The following RIMKLA variants were observed in gnomAD, a reference collection of about 807,000 sequenced individuals.
The protein encoded by RIMKLA is ribosomal modification protein rimK like family member A, also known as N-acetylaspartylglutamate synthase A.
A neutral mutation model predicts 32.7 loss-of-function variants in RIMKLA; 14 were observed. The observed-to-expected ratio is 0.43, with a 90% confidence interval of 0.28 to 0.67. The LOEUF (loss-of-function observed/expected upper bound fraction) is 0.67, where lower values mean the gene tolerates loss of function less well. Ranked by LOEUF, RIMKLA falls within the 30% of genes least tolerant of loss-of-function variation. RIMKLA has a pLI of 0.18. For synonymous variants in RIMKLA, 176 were observed against 204.1 expected (o/e 0.86, Z 1.18); for missense variants, 410 against 519.0 (o/e 0.79, Z 2.04).
chr1:42,395,353 T>G (rs932312170), intron 1 of RIMKLA, among the ~76,000 whole-genome samples: 4 of 148,840 alleles, frequency 2.7e-5, no homozygotes, highest in African/African-American at 1.0e-4. Flanking sequence ...ACAGAGTGGT[T>G]GTTTTAGTTT....
At position 42,408,372 on chromosome 1, in the gene RIMKLA, T is replaced by G. The variant is rs1313907291; in HGVS notation, c.482-1612T>G. 5.3e-5 allele frequency among the ~76,000 whole-genome samples: 8 copies of G among 152,312 alleles called. No homozygotes were observed. In the South Asian group the frequency reaches 1.2e-3, roughly 24 times the overall value. On this transcript the variant is annotated intron_variant, in intron 3 of 4. Coordinates refer to ENST00000431473, the MANE Select transcript of RIMKLA (RefSeq NM_173642.4). ...ATTGCATCCTGGTTATAACATGTTT[T>G]GGAATTTACTTTTCAGTTTTATGTA... is the stretch of plus-strand genomic sequence containing the variant.
intron 3 of RIMKLA, among the ~76,000 whole-genome samples, chr1:42,406,009 A>G (rs375631002): frequency 7.2e-5 from 11 of 152,320 alleles, no homozygotes; most frequent in African/African-American, 1.9e-4. Flanking sequence ...CTCAATTTCA[A>G]CCAGCCTTTC....
At chr1:42,395,972 G>A (rs1263947734) in intron 1 of RIMKLA, among the ~76,000 whole-genome samples, 1 of 152,184 alleles carries the variant, frequency 6.6e-6, no homozygotes, top group Non-Finnish European at 1.5e-5. Context: ...TGGGGGCGGT[G>A]GCTCACGCCT....
Position 42,399,437 on chromosome 1 carries a change from T to G in RIMKLA, c.197T>G (p.Phe66Cys), listed in dbSNP as rs1281803479. ...CTAAACCAGAAGGCCCTCACCACTT[T>G]CCCGGATGTGGTGCTTGTACGGGTA... ...LQLNQKALTT[F>C]PDVVLVRVPT... The change falls in exon 2 of 5, where the codon TTC becomes TGC. Residue 66 changes from phenylalanine (F) to cysteine (C), a missense_variant. By Grantham distance (205) the Phe-to-Cys change is radical. Coordinates refer to ENST00000431473, the MANE Select transcript of RIMKLA (RefSeq NM_173642.4). 1.2e-6 allele frequency: 2 copies of G among 1,612,452 alleles called. No individual in the cohort carries two copies. The highest frequency in any genetic ancestry group is 2.2e-5 in the South Asian group (2 of 90,532).
chr1:42,409,963 T>C (rs760708149), intron 3 of RIMKLA, 21 bp from the exon 4 acceptor site: 2 of 1,602,404 alleles, frequency 1.2e-6, no homozygotes, highest in South Asian at 1.1e-5. Flanking sequence ...ACCCCTTCTC[T>C]TGCTCTTTTT....
intron 1 of RIMKLA, among the ~76,000 whole-genome samples, chr1:42,390,185 A>G (rs773055544): frequency 5.3e-5 from 8 of 151,924 alleles, no homozygotes; most frequent in Non-Finnish European, 1.0e-4. Flanking sequence ...CTACAGGCAC[A>G]TGCCACCACA....
intron 1 of RIMKLA, among the ~76,000 whole-genome samples, chr1:42,385,755 CTTTCTT>C (rs1553175452): frequency 2.1e-5 from 2 of 97,382 alleles, no homozygotes; most frequent in African/African-American, 1.2e-4. Context: ...TTCTTTCTTT[CTTTCTT>C]TCTTTCTTTG....
At chr1:42,400,223 A>T (rs983855106) in intron 2 of RIMKLA, among the ~76,000 whole-genome samples, 1 of 145,828 alleles carries the variant, frequency 6.9e-6, no homozygotes, top group Non-Finnish European at 1.5e-5. Context: ...AGAGAGATAT[A>T]GCTAAATATA....
rs75104998 is a variant in RIMKLA at position 42,403,283 on chromosome 1, A to T, written c.395-1228A>T. On this transcript the variant is annotated intron_variant, in intron 2 of 4. Transcript: ENST00000431473. The stretch of plus-strand genomic sequence containing the variant: ...AGGAAAAGAGGCTTATTTCTGCTCT[A>T]TACTGACAGCAGTGAGAAATATTAG... Among the ~76,000 whole-genome samples, 899 of 152,306 alleles carry T rather than the reference A, an allele frequency of 5.9e-3. 2 individuals are homozygous for T. Among genetic ancestry groups the T allele is most frequent in the Non-Finnish European group, 9.6e-3 (655 of 68,020 alleles).
intron 2 of RIMKLA, among the ~76,000 whole-genome samples, chr1:42,400,783 CT>C (rs1643090388): frequency 6.6e-6 from 1 of 152,020 alleles, no homozygotes; most frequent in African/African-American, 2.4e-5. Context: ...GAATCTGGAG[CT>C]TCTGAAAGAA....
chr1:42,383,631 A>G (rs1376072172), intron 1 of RIMKLA, among the ~76,000 whole-genome samples: 1 of 152,264 alleles, frequency 6.6e-6, no homozygotes, highest in Admixed American at 6.5e-5. Flanking sequence ...ATATGTAGTT[A>G]TGATGATATT....
Position 42,412,483 on chromosome 1 carries a change from G to T in RIMKLA, c.686-2001G>T, listed in dbSNP as rs140986876. 6.2e-4 allele frequency: 220 copies of T among 355,220 alleles called. 2 individuals are homozygous for T. The highest frequency in any genetic ancestry group is 2.2e-3 in the Middle Eastern group (2 of 902). The allele number at this position is 355,220 out of a possible 1,614,324, so 22.0% of individuals were successfully genotyped here. The stretch of plus-strand genomic sequence containing the variant: ...CATGATGGCCATGATGCCAGCTGAG[G>T]TTGTCAGTACAGTGAAACCAAACTG... On this transcript the variant is annotated intron_variant, in intron 4 of 4. Transcript: ENST00000431473.
intron 2 of RIMKLA, among the ~76,000 whole-genome samples, chr1:42,401,656 A>G (rs1374497159): frequency 6.6e-6 from 1 of 152,172 alleles, no homozygotes; most frequent in African/African-American, 2.4e-5. Context: ...TTTAATGAAT[A>G]CAGCTTCAGT....
chr1:42,389,813 CA>C (rs201863495), intron 1 of RIMKLA, among the ~76,000 whole-genome samples: 55 of 144,196 alleles, frequency 3.8e-4, no homozygotes, highest in African/African-American at 5.1e-4. Flanking sequence ...GACGCCATCT[CA>C]AAAAAAAAAA....
chr1:42,418,042 G>A lies in RIMKLA; in HGVS notation c.*3068G>A, dbSNP rs1170598155. The stretch of plus-strand genomic sequence containing the variant: ...TCTCAGAGGCCTCACTTCCAGCCAG[G>A]GAAACTTAAGACCTGAAAGGAATAA... On this transcript the variant is annotated 3_prime_UTR_variant, in exon 5 of 5. Coordinates refer to ENST00000431473, the MANE Select transcript of RIMKLA (RefSeq NM_173642.4). 2 of 152,172 alleles carry A rather than the reference G, an allele frequency of 1.3e-5. No homozygotes were observed. Among genetic ancestry groups the A allele is most frequent in the Admixed American group, 6.5e-5 (1 of 15,278 alleles). 9.4% of individuals were successfully genotyped at this position (152,172 alleles called of 1,614,324 possible).
chr1:42,416,887 T>G lies in RIMKLA; in HGVS notation c.*1913T>G, dbSNP rs1643253220. ...GATGTCACACTACACAGTTGTAGTT[T>G]AAATGCAGTCCAACATAAGGTGCAT... is the stretch of plus-strand genomic sequence containing the variant. On this transcript the variant is annotated 3_prime_UTR_variant, in exon 5 of 5. Coordinates refer to ENST00000431473, the MANE Select transcript of RIMKLA (RefSeq NM_173642.4). 6.6e-6 allele frequency: 1 copy of G among 152,262 alleles called. No individual in the cohort carries two copies. The highest frequency in any genetic ancestry group is 1.5e-5 in the Non-Finnish European group (1 of 68,044). 9.4% of individuals were successfully genotyped at this position (152,262 alleles called of 1,614,324 possible). A position where few individuals can be genotyped will look rare whatever the true frequency, so the allele number is the denominator to read the frequency against.
At chr1:42,406,689 A>AGTATGTAT (rs60731769) in intron 3 of RIMKLA, among the ~76,000 whole-genome samples, 463 of 151,920 alleles carry the variant, frequency 3.0e-3, no homozygotes, top group African/African-American at 0.011. Context: ...TTGTTATGTA[A>AGTATGTAT]GTATGTATGT....
At chr1:42,396,236 CAAAAAAAAAAAAAAA>C (rs11363612) in intron 1 of RIMKLA, among the ~76,000 whole-genome samples, 2 of 60,908 alleles carry the variant, frequency 3.3e-5, no homozygotes, top group Non-Finnish European at 5.4e-5. Flanking sequence ...AACTCCATCT[CAAAAAAAAAAAAAAA>C]AAAAAAAAAA....
At position 42,419,087 on chromosome 1, in the gene RIMKLA, CTTTA is replaced by C. The variant is rs1364875901; in HGVS notation, c.*4114_*4117del. 2 of 152,192 alleles carry C rather than the reference CTTTA, an allele frequency of 1.3e-5. No homozygotes were observed. Among genetic ancestry groups the C allele is most frequent in the Non-Finnish European group, 2.9e-5 (2 of 68,038 alleles). 9.4% of individuals were successfully genotyped at this position (152,192 alleles called of 1,614,324 possible). A position where few individuals can be genotyped will look rare whatever the true frequency, so the allele number is the denominator to read the frequency against. On this transcript the variant is annotated 3_prime_UTR_variant, in exon 5 of 5. Coordinates refer to ENST00000431473, the MANE Select transcript of RIMKLA (RefSeq NM_173642.4). ...GACTCAAGATCAGGACAGATTGTTA[CTTTA>C]AAATGTTACCTGGAAGACGATTCTT...
Sources: allele counts gnomAD v4.1 joint callset (sites outside exome capture counted in the v4.1 genomes callset), GRCh38; gene constraint gnomAD v4.1.1; transcripts MANE v1.5; gene names NCBI Gene and HGNC (gene_info 2026-07-23, HGNC 2026-07-21).